Variants in DIAPH3 observed in about 807,000 individuals in gnomAD.
The protein encoded by DIAPH3 is protein diaphanous homolog 3.
DIAPH3 carries 117 observed loss-of-function variants against 144.3 expected under a neutral mutation model. That is an observed-to-expected ratio of 0.81 (90% confidence interval 0.70 to 0.95). The LOEUF is 0.95. Among genes scored for constraint, DIAPH3 ranks in the 40% least tolerant of loss-of-function variants. The pLI, the probability that DIAPH3 is intolerant of heterozygous loss-of-function variation, is 0.00. For synonymous variants in DIAPH3, 519 were observed against 488.9 expected, an observed-to-expected ratio of 1.06 and a Z score of -0.81; for missense variants, 1,421 against 1,412.7, an observed-to-expected ratio of 1.01 and a Z score of -0.09.
At chr13:59,789,600 G>A (rs926322289) in intron 25 of DIAPH3, among the ~76,000 whole-genome samples, 1 of 152,098 alleles carries the variant, frequency 6.6e-6, no homozygotes, top group African/African-American at 2.4e-5. Flanking sequence ...TTCAGGAGAA[G>A]CCAGGATAAA....
At chr13:59,900,768 C>T (rs75605528) in intron 20 of DIAPH3, among the ~76,000 whole-genome samples, 1 of 152,234 alleles carries the variant, frequency 6.6e-6, no homozygotes, top group East Asian at 1.9e-4. Flanking sequence ...CCCTGAACTC[C>T]CAGCTTATAC....
intron 5 of DIAPH3, among the ~76,000 whole-genome samples, chr13:60,021,680 A>G (rs1464679361): frequency 1.3e-5 from 2 of 151,888 alleles, no homozygotes; most frequent in African/African-American, 4.8e-5. Flanking sequence ...AAAAAAAAAA[A>G]AAAAGAGCAT....
At chr13:59,890,115 G>C (rs753350789) in intron 20 of DIAPH3, among the ~76,000 whole-genome samples, 1 of 152,022 alleles carries the variant, frequency 6.6e-6, no homozygotes, top group Non-Finnish European at 1.5e-5. Flanking sequence ...GCTGCTATCT[G>C]GCTAGTCTTG....
chr13:60,163,610 G>A lies in DIAPH3; in HGVS notation c.157C>T (p.Pro53Ser), dbSNP rs1332104078. Residue 53 changes from proline (P) to serine (S), a missense_variant, in exon 1 of 28, where the codon CCT becomes TCT. Pro to Ser is a moderately conservative substitution (Grantham distance 74, BLOSUM62 -1). Transcript: ENST00000400324. ...HPPPPSGPEE[P>S]GEKRPKFHLN... ...ACAAACTTGGGGCGCTTCTCCCCAG[G>A]CTCCTCGGGGCCACTGGGCGGCGGA... 2 of 1,601,864 alleles carry A rather than the reference G, an allele frequency of 1.2e-6. No individual in the cohort carries two copies.
At chr13:59,885,881 A>G (rs2045413503) in intron 20 of DIAPH3, among the ~76,000 whole-genome samples, 1 of 152,094 alleles carries the variant, frequency 6.6e-6, no homozygotes, top group South Asian at 2.1e-4. Context: ...AAGGAACCCT[A>G]CCAATGCCTT....
At chr13:59,821,494 T>C (rs1446622614) in intron 24 of DIAPH3, among the ~76,000 whole-genome samples, 1 of 152,056 alleles carries the variant, frequency 6.6e-6, no homozygotes, top group African/African-American at 2.4e-5. Context: ...GAAAAAAAAT[T>C]TAAAAAATTA....
intron 2 of DIAPH3, among the ~76,000 whole-genome samples, chr13:60,118,668 C>T (rs1035755922): frequency 3.3e-5 from 5 of 152,196 alleles, no homozygotes; most frequent in African/African-American, 1.2e-4. Context: ...AATCTGGGAA[C>T]TTTGTGATTA....
intron 17 of DIAPH3, among the ~76,000 whole-genome samples, chr13:59,934,439 T>C (rs961586812): frequency 2.0e-5 from 3 of 152,092 alleles, no homozygotes; most frequent in African/African-American, 4.8e-5. Flanking sequence ...AGAGAGAAGA[T>C]AATAAATTCA....
intron 20 of DIAPH3, among the ~76,000 whole-genome samples, chr13:59,880,733 T>C (rs775346357): frequency 2.6e-5 from 4 of 152,038 alleles, no homozygotes; most frequent in Non-Finnish European, 5.9e-5. Context: ...GAGAGAATAT[T>C]TTCATATAGA....
chr13:59,847,676 G>A (rs1349755880), intron 22 of DIAPH3, among the ~76,000 whole-genome samples: 2 of 152,146 alleles, frequency 1.3e-5, no homozygotes, highest in Non-Finnish European at 2.9e-5. Flanking sequence ...ACATGTACAT[G>A]GGAGGGCAAT....
At chr13:59,942,365 T>A (rs889583562) in intron 17 of DIAPH3, among the ~76,000 whole-genome samples, 3 of 152,068 alleles carry the variant, frequency 2.0e-5, no homozygotes, top group Admixed American at 2.0e-4. Context: ...CTTGCAACAA[T>A]TTTTTTAGAT....
chr13:59,695,811 A>C (rs2138714778), intron 27 of DIAPH3, among the ~76,000 whole-genome samples: 1 of 152,336 alleles, frequency 6.6e-6, no homozygotes, highest in Non-Finnish European at 1.5e-5. Context: ...ACCCTTATCT[A>C]AATAAGAATG....
At chr13:59,776,124 T>C (rs921844022) in intron 25 of DIAPH3, among the ~76,000 whole-genome samples, 8 of 152,232 alleles carry the variant, frequency 5.3e-5, no homozygotes, top group Non-Finnish European at 1.2e-4. Flanking sequence ...TTTTTCCTTT[T>C]TGATACACAA....
intron 4 of DIAPH3, among the ~76,000 whole-genome samples, chr13:60,051,978 G>C (rs1295015178): frequency 6.6e-6 from 1 of 152,118 alleles, no homozygotes; most frequent in African/African-American, 2.4e-5. Flanking sequence ...TATTAACTGT[G>C]GTCATTCAAA....
At chr13:59,946,725 A>C (rs2048816082) in intron 17 of DIAPH3, among the ~76,000 whole-genome samples, 1 of 152,188 alleles carries the variant, frequency 6.6e-6, no homozygotes, top group Non-Finnish European at 1.5e-5. Context: ...AAAATTGCAA[A>C]GTTATTCTTC....
intron 21 of DIAPH3, among the ~76,000 whole-genome samples, chr13:59,863,317 A>C (rs2043713972): frequency 1.3e-5 from 2 of 152,122 alleles, no homozygotes; most frequent in Non-Finnish European, 2.9e-5. Context: ...CCAGAATTTA[A>C]TTTACAGCTG....
chr13:59,950,468 A>AC, intron 17 of DIAPH3, among the ~76,000 whole-genome samples: 1 of 152,318 alleles, frequency 6.6e-6, no homozygotes, highest in South Asian at 2.1e-4. Flanking sequence ...TAAAAGGAGT[A>AC]GAGTAGGCAG....
chr13:59,906,165 C>A (rs148827660), intron 20 of DIAPH3, among the ~76,000 whole-genome samples: 1 of 151,964 alleles, frequency 6.6e-6, no homozygotes, highest in South Asian at 2.1e-4. Flanking sequence ...ACCTGAGGCA[C>A]GGAGAGAAAC....
chr13:59,805,321 C>T (rs895418949), intron 25 of DIAPH3, among the ~76,000 whole-genome samples: 1 of 151,842 alleles, frequency 6.6e-6, no homozygotes, highest in Non-Finnish European at 1.5e-5. Flanking sequence ...TAGCAAATGC[C>T]CTATTTGTGT....
Sources: gnomAD v4.1 joint callset for allele counts (sites outside exome capture counted in the v4.1 genomes callset) on GRCh38, gnomAD v4.1.1 for gene constraint, MANE v1.5 for transcripts, NCBI Gene and HGNC (gene_info 2026-07-23, HGNC 2026-07-21) for gene names.